Variants in GRIA1 observed in about 807,000 individuals in gnomAD.
The protein encoded by GRIA1 is glutamate ionotropic receptor AMPA type subunit 1, also known as glutamate receptor 1.
In GRIA1, 31 loss-of-function variants were observed where a neutral mutation model predicts 99.2. The observed-to-expected ratio is 0.31, with a 90% CI of 0.23 to 0.42. The LOEUF is 0.42. Ranked by LOEUF, GRIA1 falls within the 10% of genes least tolerant of loss-of-function variation. GRIA1 has a pLI of 1.00. For synonymous variants in GRIA1, 438 were observed against 432.4 expected (o/e 1.01, Z -0.16); for missense variants, 782 against 1,157.5 (o/e 0.68, Z 4.71).
intron 2 of GRIA1, among the ~76,000 whole-genome samples, chr5:153,522,712 G>C (rs577074429): frequency 5.9e-5 from 9 of 152,212 alleles, no homozygotes; most frequent in African/African-American, 2.2e-4. Flanking sequence ...TATTCCCAAG[G>C]TCACGGACAT....
rs117383719 is a variant in GRIA1 at position 153,610,906 on chromosome 5, A to C, written c.221-36022A>C. The stretch of plus-strand genomic sequence containing the variant: ...AACACGTTTATCGTGTGTCTCTCAA[A>C]GCCCTGGATTTCTTATCTCAGTTCT... On this transcript the variant is annotated intron_variant, in intron 2 of 15. Transcript: ENST00000285900. 8.6e-3 allele frequency among the ~76,000 whole-genome samples: 1,306 copies of C among 152,314 alleles called. 17 individuals are homozygous for C. The highest frequency in any genetic ancestry group is 0.065 in the East Asian group (337 of 5,188).
At position 153,701,599 on chromosome 5, in the gene GRIA1, C is replaced by T. The variant is rs574235901; in HGVS notation, c.1452+2526C>T. 2.0e-4 allele frequency among the ~76,000 whole-genome samples: 16 copies of T among 79,592 alleles called. No individual in the cohort carries two copies. The Admixed American group carries it at 2.2e-3, about 11-fold the overall frequency. The allele number at this position is 79,592 out of a possible 152,430, so 52.2% of individuals were successfully genotyped here. ...TGGTGCCGCTGTACTCCAGCCTGGG[C>T]GACAAAGCGAGACCCGTCTCAAAAA... On this transcript the variant is annotated intron_variant, in intron 10 of 15. Transcript: ENST00000285900.
intron 2 of GRIA1, among the ~76,000 whole-genome samples, chr5:153,597,842 T>TAAAAA (rs372705510): frequency 7.0e-6 from 1 of 142,092 alleles, no homozygotes; most frequent in African/African-American, 2.7e-5. Flanking sequence ...ACCCCGTCTC[T>TAAAAA]AAAAAAAAAA....
chr5:153,759,350 A>T (rs1253460592), intron 11 of GRIA1, among the ~76,000 whole-genome samples: 2 of 151,808 alleles, frequency 1.3e-5, no homozygotes, highest in African/African-American at 4.8e-5. Flanking sequence ...GACTCAAATA[A>T]ATAAAATTAT....
At chr5:153,593,485 T>C (rs1370937204) in intron 2 of GRIA1, among the ~76,000 whole-genome samples, 1 of 152,234 alleles carries the variant, frequency 6.6e-6, no homozygotes, top group Non-Finnish European at 1.5e-5. Context: ...AGTATTTACG[T>C]TATGATGACT....
intron 10 of GRIA1, among the ~76,000 whole-genome samples, chr5:153,701,857 T>C (rs564476130): frequency 1.3e-5 from 2 of 152,270 alleles, no homozygotes; most frequent in Admixed American, 1.3e-4. Flanking sequence ...TCAGGCTCTC[T>C]CTTATCTTCC....
At chr5:153,568,460 C>G (rs1761841757) in intron 2 of GRIA1, among the ~76,000 whole-genome samples, 1 of 152,048 alleles carries the variant, frequency 6.6e-6, no homozygotes, top group Non-Finnish European at 1.5e-5. Flanking sequence ...TCTAGTTTAT[C>G]AAAATATCAT....
chr5:153,675,661 C>T (rs988629194), intron 6 of GRIA1, among the ~76,000 whole-genome samples: 1 of 152,166 alleles, frequency 6.6e-6, no homozygotes, highest in Admixed American at 6.5e-5. Context: ...AACAGAGATA[C>T]TTCTTATCCC....
At chr5:153,509,093 C>T (rs1387947353) in intron 2 of GRIA1, among the ~76,000 whole-genome samples, 1 of 152,162 alleles carries the variant, frequency 6.6e-6, no homozygotes, top group African/African-American at 2.4e-5. Flanking sequence ...GGGCAGAAAA[C>T]ACACTCTGTC....
chr5:153,680,392 C>A (rs80028766), intron 7 of GRIA1, among the ~76,000 whole-genome samples: 2 of 151,886 alleles, frequency 1.3e-5, no homozygotes, highest in African/African-American at 2.4e-5. Flanking sequence ...GCCTTCTGGA[C>A]GGTGGAGAAG....
At chr5:153,747,759 T>C (rs1239241932) in intron 11 of GRIA1, among the ~76,000 whole-genome samples, 1 of 152,192 alleles carries the variant, frequency 6.6e-6, no homozygotes, top group Non-Finnish European at 1.5e-5. Context: ...CCATGAAACC[T>C]TTCCAAAGTT....
chr5:153,682,030 C>T (rs1757008016), intron 7 of GRIA1, among the ~76,000 whole-genome samples: 1 of 140,226 alleles, frequency 7.1e-6, no homozygotes, highest in East Asian at 2.0e-4. Context: ...CAGTGTGAGA[C>T]TATGTCAAAA....
chr5:153,668,775 G>A (rs368976598), intron 5 of GRIA1, among the ~76,000 whole-genome samples: 3 of 152,168 alleles, frequency 2.0e-5, no homozygotes, highest in Non-Finnish European at 4.4e-5. Flanking sequence ...GGAACCTAGC[G>A]CAGTCCCACA....
intron 2 of GRIA1, among the ~76,000 whole-genome samples, chr5:153,570,378 A>G (rs527357620): frequency 1.1e-3 from 174 of 152,352 alleles, no homozygotes; most frequent in Middle Eastern, 3.4e-3. Context: ...TGGATCATAC[A>G]GCTATCAAAC....
chr5:153,507,999 G>A (rs917386306), intron 2 of GRIA1, among the ~76,000 whole-genome samples: 1 of 152,118 alleles, frequency 6.6e-6, no homozygotes, highest in Admixed American at 6.5e-5. Flanking sequence ...ACTAAACCCT[G>A]GAGATACCGC....
intron 1 of GRIA1, chr5:153,491,384 TGCAC>T: frequency 2.5e-6 from 2 of 788,998 alleles, no homozygotes; most frequent in Non-Finnish European, 3.1e-6. Flanking sequence ...ATATTACATA[TGCAC>T]ATATATATGT....
chr5:153,538,527 G>A (rs1758788190), intron 2 of GRIA1, among the ~76,000 whole-genome samples: 2 of 152,088 alleles, frequency 1.3e-5, no homozygotes. Flanking sequence ...GGCTATGCCT[G>A]CAGGTTCACT....
chr5:153,720,207 TC>T (rs1759956999), intron 11 of GRIA1, among the ~76,000 whole-genome samples: 1 of 152,360 alleles, frequency 6.6e-6, no homozygotes, highest in East Asian at 1.9e-4. Context: ...CATTTTATAA[TC>T]TAGGCTTGGA....
At chr5:153,716,593 G>A (rs1488839384) in intron 11 of GRIA1, among the ~76,000 whole-genome samples, 1 of 152,182 alleles carries the variant, frequency 6.6e-6, no homozygotes, top group African/African-American at 2.4e-5. Context: ...AAGATCAGGT[G>A]CAGCCTGCTC....
Sources: allele counts gnomAD v4.1 joint callset (sites outside exome capture counted in the v4.1 genomes callset), GRCh38; gene constraint gnomAD v4.1.1; transcripts MANE v1.5; gene names NCBI Gene and HGNC (gene_info 2026-07-23, HGNC 2026-07-21).